Variants in EPHX2 observed in about 807,000 individuals in gnomAD.
The protein encoded by EPHX2 is bifunctional epoxide hydrolase 2.
Under a neutral mutation model 78.7 loss-of-function variants are expected in EPHX2, and 74 were observed. The observed-to-expected ratio is 0.94, with a 90% CI of 0.78 to 1.14. EPHX2 has a LOEUF of 1.14. EPHX2 is among the 50% of genes most tolerant of loss of function. The pLI is 0.00. For missense variants in EPHX2, 715 were observed against 702.5 expected, an observed-to-expected ratio of 1.02 and a Z score of -0.20; for synonymous variants, 251 against 255.2, an observed-to-expected ratio of 0.98 and a Z score of 0.16.
chr8:27,500,867 T>C, intron 1 of EPHX2, 59 bp from the exon 2 acceptor site: 2 of 1,469,734 alleles, frequency 1.4e-6, no homozygotes, highest in Non-Finnish European at 1.9e-6. Flanking sequence ...AGTGTCTGTT[T>C]CCATGTGCTG....
At chr8:27,513,500 C>T (rs1199419274) in intron 6 of EPHX2, among the ~76,000 whole-genome samples, 1 of 152,044 alleles carries the variant, frequency 6.6e-6, no homozygotes. Flanking sequence ...ATCACTTTAC[C>T]CCACCTTGTC....
At chr8:27,504,752 C>G (rs1207650226) in intron 3 of EPHX2, among the ~76,000 whole-genome samples, 2 of 152,158 alleles carry the variant, frequency 1.3e-5, no homozygotes, top group Non-Finnish European at 2.9e-5. Context: ...CTTGAATGAA[C>G]CCAGCTCATG....
Position 27,512,065 on chromosome 8 carries a change from T to G in EPHX2, c.735+155T>G, listed in dbSNP as rs1450229398. ...GTGAGCTGTGATCACACCACTGTGC[T>G]CCAGCCTGGGCAACGGAGTGAAACC... On this transcript the variant is annotated intron_variant, in intron 6 of 18. Coordinates refer to ENST00000521400, the MANE Select transcript of EPHX2 (RefSeq NM_001979.6). The G allele has an allele frequency of 7.5e-5, 38 of 506,816 alleles. 1 individual carries two copies. In the East Asian group the frequency reaches 1.4e-3, roughly 19 times the overall value. The allele number at this position is 506,816 out of a possible 1,614,324, so 31.4% of individuals were successfully genotyped here. A position where few individuals can be genotyped will look rare whatever the true frequency, so the allele number is the denominator to read the frequency against.
rs112779110 is a variant in EPHX2, at chr8:27,525,099, TGTGTGTGTGCGCGC to T, written c.1059-261_1059-248del. Among the ~76,000 whole-genome samples, 60 of 136,252 alleles carry T rather than the reference TGTGTGTGTGCGCGC, an allele frequency of 4.4e-4. 1 individual carries two copies. The highest frequency in any genetic ancestry group is 1.6e-3 in the African/African-American group (49 of 31,300). 89.4% of individuals were successfully genotyped at this position (136,252 alleles called of 152,430 possible). A position where few individuals can be genotyped will look rare whatever the true frequency, so the allele number is the denominator to read the frequency against. On this transcript the variant is annotated intron_variant, in intron 11 of 18. Transcript: ENST00000521400. ...GTGTGTGTGTGTGTGTGTGTGTGTG[TGTGTGTGTGCGCGC>T]GCGCGCGCGCACCTATGTGTCTAAG...
At chr8:27,500,769 G>A (rs533822271) in intron 1 of EPHX2, among the ~76,000 whole-genome samples, 157 bp from the exon 2 acceptor site, 13 of 152,302 alleles carry the variant, frequency 8.5e-5, no homozygotes, top group South Asian at 4.1e-4. Context: ...GGCTCCTTGC[G>A]CGCAAAGATC....
chr8:27,546,829 C>T (rs375349722), downstream of EPHX2, among the ~76,000 whole-genome samples: 10 of 152,242 alleles, frequency 6.6e-5, no homozygotes, highest in South Asian at 1.0e-3. Flanking sequence ...ATTGCCATAA[C>T]GAACTACTGG....
At chr8:27,501,333 C>CT (rs1422848173) in intron 2 of EPHX2, among the ~76,000 whole-genome samples, 2 of 72,536 alleles carry the variant, frequency 2.8e-5, no homozygotes, top group African/African-American at 1.3e-4. Flanking sequence ...TTTTCTTCTT[C>CT]TTCTTCTTCT....
chr8:27,537,408 C>T (rs1002523053), intron 13 of EPHX2, among the ~76,000 whole-genome samples: 5 of 152,124 alleles, frequency 3.3e-5, no homozygotes, highest in African/African-American at 9.7e-5. Flanking sequence ...ATTTTGGTGC[C>T]TGAAGACATC....
At chr8:27,547,306 C>T (rs543380765), downstream of EPHX2, among the ~76,000 whole-genome samples, 1 of 152,172 alleles carries the variant, frequency 6.6e-6, no homozygotes, top group Non-Finnish European at 1.5e-5. Context: ...TCAACTGTTG[C>T]AGTGGTGGTA....
At chr8:27,501,324 TTTCTTCTTCTTC>T (rs796293855) in intron 2 of EPHX2, among the ~76,000 whole-genome samples, 5,081 of 102,932 alleles carry the variant, frequency 0.049, 210 homozygotes, top group African/African-American at 0.08. Flanking sequence ...TGCTATATAT[TTTCTTCTTCTTC>T]TTCTTCTTCT....
At chr8:27,508,720 G>GA (rs1317736789) in intron 5 of EPHX2, among the ~76,000 whole-genome samples, 7 of 152,118 alleles carry the variant, frequency 4.6e-5, no homozygotes, top group African/African-American at 1.7e-4. Context: ...TTTCATTGTG[G>GA]AAAAATGCAT....
chr8:27,518,681 C>T (rs1431178479), intron 9 of EPHX2, among the ~76,000 whole-genome samples: 4 of 152,376 alleles, frequency 2.6e-5, no homozygotes, highest in South Asian at 4.1e-4. Context: ...GGTGACACTA[C>T]GATTACAAAA....
chr8:27,510,528 A>G (rs1426632471), intron 5 of EPHX2, among the ~76,000 whole-genome samples: 1 of 152,220 alleles, frequency 6.6e-6, no homozygotes, highest in Non-Finnish European at 1.5e-5. Flanking sequence ...CAAAATTAAT[A>G]CAGTGAAGTC....
At position 27,501,324 on chromosome 8, in the gene EPHX2, T is replaced by TTTCTTCTTCTTCTTCTTC. The variant is rs796293855; in HGVS notation, c.186+368_186+385dup. Among the ~76,000 whole-genome samples the TTTCTTCTTCTTCTTCTTC allele has an allele frequency of 9.8e-3, 1,005 of 102,960 alleles. 24 individuals carry two copies. Among genetic ancestry groups the TTTCTTCTTCTTCTTCTTC allele is most frequent in the East Asian group, 0.014 (44 of 3,232 alleles). 67.5% of individuals were successfully genotyped at this position (102,960 alleles called of 152,430 possible). On this transcript the variant is annotated intron_variant, in intron 2 of 18. Coordinates refer to ENST00000521400, the MANE Select transcript of EPHX2 (RefSeq NM_001979.6). ...TAAGAAAGAGGGAAATGCTATATATTTTCTTCTTCTTCTTCTTCTTCTTCT... is the reference window on the plus strand; with the variant it reads ...TAAGAAAGAGGGAAATGCTATATATTTTCTTCTTCTTCTTCTTCTTCTTCTTCTTCTTCTTCTTCTTCT...
chr8:27,505,530 C>T lies in EPHX2; in HGVS notation c.537+384C>T, dbSNP rs1367092. ...GGACAGGCTCCGGTATTGCCATGCT[C>T]TCCCACCAGACACCCTGTGCCCTGA... On this transcript the variant is annotated intron_variant, in intron 4 of 18. Coordinates refer to ENST00000521400, the MANE Select transcript of EPHX2 (RefSeq NM_001979.6). 3.4e-3 allele frequency among the ~76,000 whole-genome samples: 518 copies of T among 152,362 alleles called. 4 individuals carry two copies. Among genetic ancestry groups the T allele is most frequent in the Non-Finnish European group, 6.0e-3 (410 of 68,034 alleles).
At position 27,507,004 on chromosome 8, in the gene EPHX2, C is replaced by T. The variant is rs1183878959; in HGVS notation, c.660+10C>T. 1 of 1,613,102 alleles carries T rather than the reference C, an allele frequency of 6.2e-7. No individual in the cohort carries two copies. Among genetic ancestry groups the T allele is most frequent in the Non-Finnish European group, 8.5e-7 (1 of 1,179,784 alleles). On this transcript the variant is annotated intron_variant, in intron 5 of 18. Coordinates refer to ENST00000521400, the MANE Select transcript of EPHX2 (RefSeq NM_001979.6). ...AGTGACCGGAATCCAGGTAACTTGACTTCTGAGCGAGCCAAGCTTCCTGGA... is the reference window on the plus strand; with the variant it reads ...AGTGACCGGAATCCAGGTAACTTGATTTCTGAGCGAGCCAAGCTTCCTGGA...
chr8:27,519,009 G>A (rs1814555656), intron 9 of EPHX2, among the ~76,000 whole-genome samples: 1 of 152,184 alleles, frequency 6.6e-6, no homozygotes, highest in Non-Finnish European at 1.5e-5. Flanking sequence ...GGGTCACTTA[G>A]GAGAACTGGT....
intron 1 of EPHX2, among the ~76,000 whole-genome samples, chr8:27,492,031 C>G (rs1813398977): frequency 6.7e-6 from 1 of 149,840 alleles, no homozygotes; most frequent in Non-Finnish European, 1.5e-5. Context: ...GAGAAGTATA[C>G]TTATTTATAA....
Position 27,515,724 on chromosome 8 carries a change from G to T in EPHX2, c.742G>T (p.Val248Phe), listed in dbSNP as rs758661659. The change falls in exon 7 of 19, where the codon GTC (valine) becomes TTC (phenylalanine). Residue 248 changes from valine to phenylalanine, a missense_variant. Transcript: ENST00000521400. ...TCCTCTTTCCCTTCCACAGCCCAGGGTCCGTCTGCATTTTGTGGAGCTGGG... is the reference window on the plus strand; with the variant it reads ...TCCTCTTTCCCTTCCACAGCCCAGGTTCCGTCTGCATTTTGTGGAGCTGGG... The part of the protein sequence containing the change: ...SHGYVTVKPR[V>F]RLHFVELGSG... 12 of 1,613,804 alleles carry T rather than the reference G, an allele frequency of 7.4e-6. 1 individual carries two copies. Among genetic ancestry groups the T allele is most frequent in the Middle Eastern group, 3.3e-4 (2 of 6,084 alleles).
Sources: allele counts gnomAD v4.1 joint callset (sites outside exome capture counted in the v4.1 genomes callset), GRCh38; gene constraint gnomAD v4.1.1; transcripts MANE v1.5; gene names NCBI Gene and HGNC (gene_info 2026-07-23, HGNC 2026-07-21).